Variants in DYTN observed in about 807,000 individuals in gnomAD.
The protein encoded by DYTN is dystrotelin.
DYTN carries 75 observed loss-of-function variants against 69.6 expected under a neutral mutation model. The ratio of observed to expected loss-of-function variants is 1.08; its 90% confidence interval spans 0.89 to 1.31. DYTN has a LOEUF of 1.31. DYTN is among the 50% of genes most tolerant of loss of function. The pLI is 0.00. For missense variants in DYTN, 726 were observed against 688.4 expected, an observed-to-expected ratio of 1.05 and a Z score of -0.61; for synonymous variants, 252 against 249.1, an observed-to-expected ratio of 1.01 and a Z score of -0.11.
intron 11 of DYTN, among the ~76,000 whole-genome samples, chr2:206,659,505 A>C (rs1035118541): frequency 2.3e-4 from 33 of 142,954 alleles, no homozygotes; most frequent in African/African-American, 7.8e-4. Context: ...AAAAAAAAAA[A>C]AAAAAACTGG....
At chr2:206,698,449 G>C (rs12987660) in intron 7 of DYTN, among the ~76,000 whole-genome samples, 9,903 of 152,208 alleles carry the variant, frequency 0.065, 449 homozygotes, top group Non-Finnish European at 0.089. Flanking sequence ...GTGAGCAGGA[G>C]CTGAGTCCTG....
In DYTN at chr2:206,694,494, C is replaced by T. The variant is rs563765467; in HGVS notation, c.831+272G>A. ...GCTGCTCCCTGTAACTCTTCACTGACATTTTCTATTCCAGAGTATCTGATC... is the reference window on the plus strand; with the variant it reads ...GCTGCTCCCTGTAACTCTTCACTGATATTTTCTATTCCAGAGTATCTGATC... On this transcript the variant is annotated intron_variant, in intron 8 of 11. Coordinates refer to ENST00000452335, the MANE Select transcript of DYTN (RefSeq NM_001093730.1). Among the ~76,000 whole-genome samples, 3 of 152,308 alleles carry T rather than the reference C, an allele frequency of 2.0e-5. No individual in the cohort carries two copies. The East Asian group carries it at 5.8e-4, about 29-fold the overall frequency.
intron 1 of DYTN, among the ~76,000 whole-genome samples, chr2:206,716,254 G>C (rs1700129541): frequency 6.6e-6 from 1 of 152,242 alleles, no homozygotes; most frequent in South Asian, 2.1e-4. Context: ...AAGATACTGA[G>C]TGCCAGGCAC....
chr2:206,681,587 G>A (rs188074158), intron 9 of DYTN, among the ~76,000 whole-genome samples: 4 of 151,996 alleles, frequency 2.6e-5, no homozygotes, highest in African/African-American at 7.3e-5. Context: ...TAACATGAAG[G>A]GATGTTGAAT....
At chr2:206,660,153 T>C (rs532280481) in intron 11 of DYTN, among the ~76,000 whole-genome samples, 2 of 152,310 alleles carry the variant, frequency 1.3e-5, no homozygotes, top group South Asian at 4.1e-4. Flanking sequence ...TTTGAGACTT[T>C]TAAAAATATT....
chr2:206,674,073 A>G (rs1002721289), intron 9 of DYTN, among the ~76,000 whole-genome samples: 1 of 152,108 alleles, frequency 6.6e-6, no homozygotes, highest in Non-Finnish European at 1.5e-5. Flanking sequence ...AAACATCCAA[A>G]TTATCTGGTC....
chr2:206,669,668 A>G (rs956797868), intron 9 of DYTN, among the ~76,000 whole-genome samples: 3 of 152,148 alleles, frequency 2.0e-5, no homozygotes, highest in African/African-American at 7.2e-5. Flanking sequence ...ATTTGCTTTT[A>G]TTTCTACATT....
At chr2:206,677,601 A>C (rs1322633730) in intron 9 of DYTN, among the ~76,000 whole-genome samples, 1 of 152,246 alleles carries the variant, frequency 6.6e-6, no homozygotes, top group Non-Finnish European at 1.5e-5. Flanking sequence ...AATGATGTTA[A>C]AACAAAATAC....
intron 5 of DYTN, among the ~76,000 whole-genome samples, chr2:206,702,655 C>A (rs956146833): frequency 6.6e-6 from 1 of 152,108 alleles, no homozygotes; most frequent in Non-Finnish European, 1.5e-5. Flanking sequence ...CAACATTCAC[C>A]CTCCTCTGAT....
chr2:206,662,988 C>T lies in DYTN; in HGVS notation c.1548G>A (p.Lys516=). The T allele has an allele frequency of 6.2e-7, 1 of 1,613,806 alleles. No homozygotes were observed. The highest frequency in any genetic ancestry group is 2.2e-5 in the East Asian group (1 of 44,884). ...CTTCCTCCAGCTCATCCTTTCTCTC[C>T]TTGATGTTACCTGCCTCTTTCTTTT... ...AVEKKEAGNI[K]ERKDELEEEE... The change falls in exon 11 of 12, where the codon AAG becomes AAA. Residue 516 remains lysine, a synonymous_variant. Transcript: ENST00000452335.
intron 1 of DYTN, among the ~76,000 whole-genome samples, chr2:206,712,813 C>T (rs1449086221): frequency 2.6e-5 from 4 of 152,196 alleles, no homozygotes; most frequent in Non-Finnish European, 4.4e-5. Flanking sequence ...GTGAGAGCAC[C>T]GTCGCCTTCC....
chr2:206,667,227 C>A (rs192723536), intron 9 of DYTN, among the ~76,000 whole-genome samples: 7 of 152,278 alleles, frequency 4.6e-5, no homozygotes, highest in African/African-American at 1.7e-4. Flanking sequence ...CCTCTCTGAC[C>A]TCATCTCTTG....
intron 10 of DYTN, 107 bp from the exon 11 acceptor site, chr2:206,663,502 C>T: frequency 8.3e-7 from 1 of 1,211,298 alleles, no homozygotes; most frequent in Non-Finnish European, 1.1e-6. Flanking sequence ...CAAGACTTTT[C>T]TTTCTCCTCT....
At chr2:206,677,544 C>G (rs1317469988) in intron 9 of DYTN, among the ~76,000 whole-genome samples, 1 of 152,040 alleles carries the variant, frequency 6.6e-6, no homozygotes, top group Non-Finnish European at 1.5e-5. Flanking sequence ...GATTATGCAT[C>G]AGAATAAAAA....
At chr2:206,683,375 ACT>A (rs1280923238) in intron 9 of DYTN, among the ~76,000 whole-genome samples, 2 of 118,658 alleles carry the variant, frequency 1.7e-5, no homozygotes, top group Non-Finnish European at 3.3e-5. Context: ...ATGGAGTCTC[ACT>A]CTGTCACCCA....
At chr2:206,700,611 T>C (rs1699967120) in intron 5 of DYTN, among the ~76,000 whole-genome samples, 1 of 152,008 alleles carries the variant, frequency 6.6e-6, no homozygotes, top group Non-Finnish European at 1.5e-5. Context: ...CTTTTTTTTT[T>C]TACTTTAAGT....
In DYTN at chr2:206,710,598, T is replaced by A; in HGVS notation, c.20A>T (p.Asp7Val). 1 of 1,599,496 alleles carries A rather than the reference T, an allele frequency of 6.3e-7. No homozygotes were observed. The highest frequency in any genetic ancestry group is 8.5e-7 in the Non-Finnish European group (1 of 1,171,916). Residue 7 changes from aspartate (D) to valine (V), a missense_variant and splice_region_variant, in exon 2 of 12, where the codon GAT becomes GTT. Asp to Val is a radical substitution (Grantham distance 152, BLOSUM62 -3). Coordinates refer to ENST00000452335, the MANE Select transcript of DYTN (RefSeq NM_001093730.1). ...GGAATTCTCAATACTATTAAGAGCATCTGTAAAGAAAACGTAAAATATTAT... is the reference window on the plus strand; with the variant it reads ...GGAATTCTCAATACTATTAAGAGCAACTGTAAAGAAAACGTAAAATATTAT... MDPDKQ[D>V]ALNSIENSIY...
At chr2:206,714,357 C>G (rs1048888238) in intron 1 of DYTN, among the ~76,000 whole-genome samples, 4 of 152,160 alleles carry the variant, frequency 2.6e-5, no homozygotes, top group African/African-American at 9.7e-5. Flanking sequence ...CGCACACCAC[C>G]ACGCCCGGCT....
chr2:206,698,345 G>A (rs544469464), intron 7 of DYTN, among the ~76,000 whole-genome samples: 14 of 152,132 alleles, frequency 9.2e-5, no homozygotes, highest in African/African-American at 1.4e-4. Flanking sequence ...CCAGTTTTTC[G>A]GTGTACCAAG....
Sources: gnomAD v4.1 joint callset for allele counts (sites outside exome capture counted in the v4.1 genomes callset) on GRCh38, gnomAD v4.1.1 for gene constraint, MANE v1.5 for transcripts, NCBI Gene and HGNC (gene_info 2026-07-23, HGNC 2026-07-21) for gene names.